Variants in CTDSPL observed in about 807,000 individuals in gnomAD.
CTDSPL encodes CTD small phosphatase like, also known as CTD small phosphatase-like protein.
Under a neutral mutation model 30.5 loss-of-function variants are expected in CTDSPL, and 8 were observed. The ratio of observed to expected loss-of-function variants is 0.26; its 90% CI spans 0.15 to 0.47. CTDSPL has a LOEUF of 0.47. Among genes scored for constraint, CTDSPL ranks in the 20% least tolerant of loss-of-function variants. CTDSPL has a pLI of 0.99. For missense variants in CTDSPL, 248 were observed against 366.1 expected (o/e 0.68, Z 2.63); for synonymous variants, 110 against 137.9 (o/e 0.80, Z 1.42).
chr3:37,981,814 C>A lies in CTDSPL; in HGVS notation c.*947C>A. ...CTGTTTATTGATTTTTAAATCTTTCCTTTCCAAAAGCTGGATACACATGGA... is the reference window on the plus strand; with the variant it reads ...CTGTTTATTGATTTTTAAATCTTTCATTTCCAAAAGCTGGATACACATGGA... On this transcript the variant is annotated 3_prime_UTR_variant, in exon 8 of 8. Coordinates refer to ENST00000273179, the MANE Select transcript of CTDSPL (RefSeq NM_001008392.2). 1 of 456,956 alleles carries A rather than the reference C, an allele frequency of 2.2e-6. No homozygotes were observed. The allele number at this position is 456,956 out of a possible 1,614,324, so 28.3% of individuals were successfully genotyped here.
At chr3:37,937,870 C>T (rs1698933497) in intron 1 of CTDSPL, among the ~76,000 whole-genome samples, 1 of 150,374 alleles carries the variant, frequency 6.7e-6, no homozygotes, top group Admixed American at 6.7e-5. Context: ...GAAGTTTGGT[C>T]AAGCAAAGAA....
chr3:37,968,413 A>T (rs1699324991), intron 5 of CTDSPL: 1 of 262,782 alleles, frequency 3.8e-6, no homozygotes, highest in South Asian at 3.3e-5. Flanking sequence ...GCTATGAATA[A>T]AGATGCCGTA....
chr3:37,926,508 G>A (rs1575301857), intron 1 of CTDSPL, among the ~76,000 whole-genome samples: 1 of 152,306 alleles, frequency 6.6e-6, no homozygotes, highest in Non-Finnish European at 1.5e-5. Context: ...TCTTGGAGGT[G>A]ATTATTCCTT....
intron 1 of CTDSPL, among the ~76,000 whole-genome samples, chr3:37,921,489 T>G (rs1034043770): frequency 6.6e-6 from 1 of 152,200 alleles, no homozygotes; most frequent in Admixed American, 6.5e-5. Flanking sequence ...CTCCTCCCCC[T>G]AGTTTGAGAG....
At chr3:37,979,531 T>G (rs1271432437) in intron 7 of CTDSPL, among the ~76,000 whole-genome samples, 1 of 151,996 alleles carries the variant, frequency 6.6e-6, no homozygotes, top group African/African-American at 2.4e-5. Context: ...AGTTGGAGGT[T>G]GCAGTGAGCT....
At chr3:37,968,474 T>C (rs1262730509) in intron 5 of CTDSPL, 1 of 241,128 alleles carries the variant, frequency 4.1e-6, no homozygotes, top group Non-Finnish European at 8.5e-6. Flanking sequence ...CTTATCTGCA[T>C]AAAGCTCTTC....
intron 1 of CTDSPL, among the ~76,000 whole-genome samples, chr3:37,867,285 T>C (rs2125586808): frequency 6.6e-6 from 1 of 152,358 alleles, no homozygotes; most frequent in African/African-American, 2.4e-5. Context: ...GTTCCTTGTA[T>C]TAATCTTTTT....
chr3:37,912,388 A>G (rs915612242), intron 1 of CTDSPL, among the ~76,000 whole-genome samples: 1 of 152,178 alleles, frequency 6.6e-6, no homozygotes, highest in African/African-American at 2.4e-5. Context: ...TTTATAGGCC[A>G]TTTTGAATTA....
At chr3:37,921,098 G>T (rs1289848517) in intron 1 of CTDSPL, among the ~76,000 whole-genome samples, 1 of 152,198 alleles carries the variant, frequency 6.6e-6, no homozygotes, top group Non-Finnish European at 1.5e-5. Flanking sequence ...GTCCTCCCCT[G>T]CCTCTGCCCA....
At chr3:37,896,049 C>G (rs79284863) in intron 1 of CTDSPL, among the ~76,000 whole-genome samples, 9,015 of 152,124 alleles carry the variant, frequency 0.059, 306 homozygotes, top group African/African-American at 0.084. Context: ...TATAAACAGA[C>G]AAGAAAAATG....
chr3:37,884,496 C>T lies in CTDSPL; in HGVS notation c.79+22218C>T, dbSNP rs577550855. On this transcript the variant is annotated intron_variant, in intron 1 of 7. Transcript: ENST00000273179. ...TGTTTAAGATGTTTGCATGAGCATG[C>T]ATCATTCCTACAAAAATAGCAAAAC... Among the ~76,000 whole-genome samples, 71 of 152,308 alleles carry T rather than the reference C, an allele frequency of 4.7e-4. No homozygotes were observed. In the South Asian group the frequency reaches 0.014, roughly 31 times the overall value.
intron 1 of CTDSPL, among the ~76,000 whole-genome samples, chr3:37,899,229 T>G (rs1698422242): frequency 6.6e-6 from 1 of 152,184 alleles, no homozygotes; most frequent in Non-Finnish European, 1.5e-5. Flanking sequence ...TTTAAACTCA[T>G]GGGAATGGAG....
chr3:37,930,717 G>A (rs561356254), intron 1 of CTDSPL, among the ~76,000 whole-genome samples: 4 of 152,124 alleles, frequency 2.6e-5, no homozygotes, highest in Non-Finnish European at 5.9e-5. Context: ...TACTGCTGTT[G>A]GATGGAATAT....
intron 7 of CTDSPL, among the ~76,000 whole-genome samples, chr3:37,979,376 G>A (rs1699464681): frequency 6.6e-6 from 1 of 152,090 alleles, no homozygotes; most frequent in African/African-American, 2.4e-5. Context: ...GCCGAGGTGG[G>A]TGGATCACCT....
At chr3:37,895,458 TG>T (rs562714660) in intron 1 of CTDSPL, among the ~76,000 whole-genome samples, 16 of 152,210 alleles carry the variant, frequency 1.1e-4, no homozygotes, top group Non-Finnish European at 1.8e-4. Context: ...CACTTTGTAG[TG>T]GCTGTGATTG....
chr3:37,870,183 C>T (rs972049974), intron 1 of CTDSPL, among the ~76,000 whole-genome samples: 3 of 151,498 alleles, frequency 2.0e-5, no homozygotes, highest in Non-Finnish European at 4.4e-5. Context: ...GACGTTTTTT[C>T]GGAGGGATGG....
At chr3:37,936,477 C>T (rs1202690088) in intron 1 of CTDSPL, among the ~76,000 whole-genome samples, 1 of 151,966 alleles carries the variant, frequency 6.6e-6, no homozygotes, top group African/African-American at 2.4e-5. Context: ...ACCACTCTTT[C>T]AGGGTGGGAA....
intron 1 of CTDSPL, among the ~76,000 whole-genome samples, chr3:37,878,546 C>T (rs1405688911): frequency 6.6e-6 from 1 of 152,128 alleles, no homozygotes; most frequent in African/African-American, 2.4e-5. Context: ...GATCGCTTTC[C>T]TTACTGTGAA....
intron 1 of CTDSPL, among the ~76,000 whole-genome samples, chr3:37,924,884 C>G (rs775549709): frequency 6.6e-6 from 1 of 152,164 alleles, no homozygotes; most frequent in Non-Finnish European, 1.5e-5. Context: ...TGCTGTCTGT[C>G]CTTCATACAC....
Sources: gnomAD v4.1 joint callset for allele counts (sites outside exome capture counted in the v4.1 genomes callset) on GRCh38, gnomAD v4.1.1 for gene constraint, MANE v1.5 for transcripts, NCBI Gene and HGNC (gene_info 2026-07-23, HGNC 2026-07-21) for gene names.